Variants in OLFM2 observed in about 807,000 individuals in gnomAD.
OLFM2 encodes the protein olfactomedin 2.
A neutral mutation model predicts 43.9 loss-of-function variants in OLFM2; 20 were observed. The ratio of observed to expected loss-of-function variants is 0.46; its 90% CI spans 0.32 to 0.66. OLFM2 has a LOEUF of 0.66. OLFM2 is among the 30% of genes least tolerant of loss of function. OLFM2 has a pLI of 0.04. For missense variants in OLFM2, 416 were observed against 643.6 expected, an observed-to-expected ratio of 0.65 and a Z score of 3.83; for synonymous variants, 268 against 278.6, an observed-to-expected ratio of 0.96 and a Z score of 0.38.
Position 9,896,520 on chromosome 19 carries a change from C to T in OLFM2, c.64-35726G>A, listed in dbSNP as rs560930534. ...CAAGCCATCCTCCCACCCCGGCCTC[C>T]GAAAGTGCTGGGATTATAGGTGTGA... On this transcript the variant is annotated intron_variant, in intron 1 of 5. Coordinates refer to ENST00000264833, the MANE Select transcript of OLFM2 (RefSeq NM_058164.4). 2.6e-5 allele frequency among the ~76,000 whole-genome samples: 4 copies of T among 152,318 alleles called. No homozygotes were observed. The East Asian group carries it at 7.7e-4, about 29-fold the overall frequency.
chr19:9,928,980 G>A lies in OLFM2; in HGVS notation c.63+7324C>T, dbSNP rs764112912. 8.5e-5 allele frequency among the ~76,000 whole-genome samples: 13 copies of A among 152,166 alleles called. 1 individual carries two copies. The highest frequency in any genetic ancestry group is 6.8e-3 in the Middle Eastern group (2 of 294). On this transcript the variant is annotated intron_variant, in intron 1 of 5. Coordinates refer to ENST00000264833, the MANE Select transcript of OLFM2 (RefSeq NM_058164.4). ...ACCTGTAATCCCAACTACTTGGGAG[G>A]CTGAGGCAGGAGAATTGCTTAAGCC...
rs770894534 is a variant in OLFM2 at position 9,853,951 on chromosome 19, T to TAA, written c.*233_*234dup. On this transcript the variant is annotated 3_prime_UTR_variant, in exon 6 of 6. Coordinates refer to ENST00000264833, the MANE Select transcript of OLFM2 (RefSeq NM_058164.4). The stretch of plus-strand genomic sequence containing the variant: ...AGCCATAAAAAGAAAAAGACATCCA[T>TAA]AAAAAGGCAGAAAGAAAGAAGTGGT... 212 of 573,348 alleles carry TAA rather than the reference T, an allele frequency of 3.7e-4. 1 individual carries two copies. The Middle Eastern group carries it at 0.013, about 34-fold the overall frequency. 35.5% of individuals were successfully genotyped at this position (573,348 alleles called of 1,614,324 possible). A position where few individuals can be genotyped will look rare whatever the true frequency, so the allele number is the denominator to read the frequency against.
At chr19:9,902,969 C>T (rs996108461) in intron 1 of OLFM2, among the ~76,000 whole-genome samples, 8 of 151,252 alleles carry the variant, frequency 5.3e-5, no homozygotes, top group East Asian at 3.9e-4. Flanking sequence ...GGTACCACCA[C>T]GCCCAGCTAA....
chr19:9,883,511 A>G (rs1036155400), intron 1 of OLFM2, among the ~76,000 whole-genome samples: 3 of 152,080 alleles, frequency 2.0e-5, no homozygotes, highest in Non-Finnish European at 4.4e-5. Context: ...AGCACTGAGC[A>G]GCTGCTCCCA....
intron 1 of OLFM2, among the ~76,000 whole-genome samples, chr19:9,890,880 G>A (rs774096238): frequency 3.3e-5 from 5 of 152,152 alleles, no homozygotes; most frequent in African/African-American, 4.8e-5. Context: ...TTTAAGCCCA[G>A]GAGTTGGAGG....
intron 1 of OLFM2, among the ~76,000 whole-genome samples, chr19:9,873,644 T>C (rs2046461452): frequency 6.6e-6 from 1 of 151,974 alleles, no homozygotes; most frequent in Non-Finnish European, 1.5e-5. Flanking sequence ...TATTTTTGTT[T>C]TGAGATAGGG....
At chr19:9,924,756 T>A (rs1312482396) in intron 1 of OLFM2, among the ~76,000 whole-genome samples, 1 of 152,140 alleles carries the variant, frequency 6.6e-6, no homozygotes, top group Non-Finnish European at 1.5e-5. Flanking sequence ...TGTAGTCTAG[T>A]GTTTCTAAGT....
rs1470507282 is a variant in OLFM2, at chr19:9,854,657, C to T, written c.894G>A (p.Val298=). 1 of 1,614,246 alleles carries T rather than the reference C, an allele frequency of 6.2e-7. No individual in the cohort carries two copies. Among genetic ancestry groups the T allele is most frequent in the Non-Finnish European group, 8.5e-7 (1 of 1,180,046 alleles). Residue 298 remains valine (V), a synonymous_variant, in exon 6 of 6, where the codon GTG becomes GTA. Transcript: ENST00000264833. The surrounding 1 kb of genome is among the most constrained non-coding windows in gnomAD (Gnocchi z 9.5). The stretch of plus-strand genomic sequence containing the variant: ...CGCCCGGGAGGCTCCTCTGCACCAG[C>T]ACAGAGCGCGAGCGGAAGTGGTATT... ...VVKYHFRSRS[V]LVQRSLPGAG... is the part of the protein sequence containing the mutation.
Position 9,854,352 on chromosome 19 carries a change from G to A in OLFM2, c.1199C>T (p.Thr400Met), listed in dbSNP as rs780801422. The change falls in exon 6 of 6, where the codon ACG becomes ATG. Residue 400 changes from threonine to methionine, a missense_variant. By Grantham distance (81) the Thr-to-Met change is moderately conservative (BLOSUM62 -1). Transcript: ENST00000264833. This position sits in a 1 kb window ranked among gnomAD's most constrained non-coding sequence, Gnocchi z 9.5. The part of the protein sequence containing the change: ...AKVYFAYFTN[T>M]SSYEYTDVPF... ...CACGTCCGTGTACTCGTAACTGGAC[G>A]TGTTGGTAAAATAGGCGAAGTAGAC... 47 of 1,614,114 alleles carry A rather than the reference G, an allele frequency of 2.9e-5. No homozygotes were observed. Among genetic ancestry groups the A allele is most frequent in the Non-Finnish European group, 3.8e-5 (45 of 1,180,046 alleles).
rs562532254 is a variant in OLFM2, at chr19:9,920,601, A to G, written c.63+15703T>C. On this transcript the variant is annotated intron_variant, in intron 1 of 5. Coordinates refer to ENST00000264833, the MANE Select transcript of OLFM2 (RefSeq NM_058164.4). ...CGTGCTGGTAAGCCACTGAAAAAAAATGTTTCTTCTGGGGCTAGGCGCGGT... is the reference window on the plus strand; with the variant it reads ...CGTGCTGGTAAGCCACTGAAAAAAAGTGTTTCTTCTGGGGCTAGGCGCGGT... Among the ~76,000 whole-genome samples the G allele has an allele frequency of 5.9e-5, 9 of 152,156 alleles. No individual in the cohort carries two copies. The East Asian group carries it at 1.7e-3, about 29-fold the overall frequency.
chr19:9,895,792 C>T (rs1352565926), intron 1 of OLFM2, among the ~76,000 whole-genome samples: 1 of 152,068 alleles, frequency 6.6e-6, no homozygotes, highest in African/African-American at 2.4e-5. Flanking sequence ...CACGCCACCA[C>T]ACCTGGCTAA....
chr19:9,875,197 G>A (rs180892493), intron 1 of OLFM2, among the ~76,000 whole-genome samples: 4 of 152,234 alleles, frequency 2.6e-5, no homozygotes, highest in East Asian at 1.9e-4. Flanking sequence ...AATATTTAAG[G>A]GCTTTTGTAC....
chr19:9,884,556 T>C (rs990514630), intron 1 of OLFM2, among the ~76,000 whole-genome samples: 8 of 151,972 alleles, frequency 5.3e-5, no homozygotes, highest in Non-Finnish European at 8.8e-5. Flanking sequence ...CAGCCCCAGG[T>C]CTATGGGACT....
At chr19:9,935,720 C>A (rs943332227) in intron 1 of OLFM2, among the ~76,000 whole-genome samples, 5 of 152,090 alleles carry the variant, frequency 3.3e-5, no homozygotes, top group African/African-American at 1.2e-4. Flanking sequence ...CTGATCACAC[C>A]CCAACTCGGG....
intron 1 of OLFM2, among the ~76,000 whole-genome samples, chr19:9,861,289 C>T (rs543927724): frequency 6.7e-6 from 1 of 149,556 alleles, no homozygotes; most frequent in Admixed American, 6.7e-5. Flanking sequence ...AGAGCAGTGG[C>T]GCGATCTGGG....
In OLFM2 at chr19:9,936,446, C is replaced by G; in HGVS notation, c.-80G>C. The G allele has an allele frequency of 9.8e-7, 1 of 1,022,916 alleles. No homozygotes were observed. The highest frequency in any genetic ancestry group is 1.7e-5 in the African/African-American group (1 of 57,450). 63.4% of individuals were successfully genotyped at this position (1,022,916 alleles called of 1,614,324 possible). On this transcript the variant is annotated 5_prime_UTR_variant, in exon 1 of 6. Transcript: ENST00000264833. Reference sequence around the variant, plus strand: ...GCGGGGACCGCCACCAGGCGCGACCCCGCCCGCCCGGCCGGGGCGACCCTG... The same window carrying G: ...GCGGGGACCGCCACCAGGCGCGACCGCGCCCGCCCGGCCGGGGCGACCCTG...
At chr19:9,900,350 G>A (rs1427454566) in intron 1 of OLFM2, among the ~76,000 whole-genome samples, 2 of 152,124 alleles carry the variant, frequency 1.3e-5, no homozygotes, top group African/African-American at 4.8e-5. Flanking sequence ...CTGCATCAGT[G>A]GATGATGGAG....
intron 1 of OLFM2, among the ~76,000 whole-genome samples, chr19:9,877,812 TC>T (rs1389100218): frequency 2.0e-5 from 3 of 150,910 alleles, no homozygotes; most frequent in Non-Finnish European, 4.4e-5. Flanking sequence ...CTTCCCAGTC[TC>T]CAGAACTGGA....
At chr19:9,918,166 A>C (rs955026531) in intron 1 of OLFM2, among the ~76,000 whole-genome samples, 1 of 151,138 alleles carries the variant, frequency 6.6e-6, no homozygotes, top group African/African-American at 2.4e-5. Flanking sequence ...GGCATGAGCC[A>C]CCATGCCTGG....
Sources: allele counts gnomAD v4.1 joint callset (sites outside exome capture counted in the v4.1 genomes callset), GRCh38; gene constraint gnomAD v4.1.1; non-coding constraint Gnocchi (gnomAD v3.1); transcripts MANE v1.5; gene names NCBI Gene and HGNC (gene_info 2026-07-23, HGNC 2026-07-21).